Variants in KLHL42 observed in about 807,000 individuals in gnomAD.
KLHL42 encodes kelch-like protein 42.
KLHL42 carries 27 observed loss-of-function variants against 32.7 expected under a neutral mutation model. The ratio of observed to expected loss-of-function variants is 0.83; its 90% confidence interval spans 0.61 to 1.14. KLHL42 has a LOEUF of 1.14. KLHL42 is among the 50% of genes most tolerant of loss of function. KLHL42 has a pLI of 0.00. For synonymous variants in KLHL42, 267 were observed against 248.2 expected, an observed-to-expected ratio of 1.08 and a Z score of -0.71; for missense variants, 491 against 560.8, an observed-to-expected ratio of 0.88 and a Z score of 1.26.
rs2062225693 is a variant in KLHL42 at position 27,797,751 on chromosome 12, C to T, written c.1103C>T (p.Ser368Phe). Residue 368 changes from serine to phenylalanine, a missense_variant, in exon 3 of 3, where the codon TCC becomes TTC. By Grantham distance (155) the Ser-to-Phe change is radical (BLOSUM62 -2). This residue lies in a region of KLHL42 where 152 missense variants were observed against 125.9 expected (regional missense o/e 1.21). Transcript: ENST00000381271. Reference sequence around the variant, plus strand: ...AACATTTTGCAGTACTGCCCCTCTTCCGACATGTGGACGCTCTTTGAAACA... The same window carrying T: ...AACATTTTGCAGTACTGCCCCTCTTTCGACATGTGGACGCTCTTTGAAACA... Reference protein sequence around the residue: ...NMNILQYCPSSDMWTLFETCD... With the variant: ...NMNILQYCPSFDMWTLFETCD... 1 of 719,498 alleles carries T rather than the reference C, an allele frequency of 1.4e-6. No homozygotes were observed. The highest frequency in any genetic ancestry group is 1.7e-5 in the African/African-American group (1 of 57,624). The allele number at this position is 719,498 out of a possible 1,614,324, so 44.6% of individuals were successfully genotyped here.
chr12:27,788,568 G>A lies in KLHL42; in HGVS notation c.873-3140G>A, dbSNP rs544576483. ...GGGTTTAAAGAGCTTTTTAAGCCACGCACGGTGGCCTAGCTACTTGGGAGG... is the reference window on the plus strand; with the variant it reads ...GGGTTTAAAGAGCTTTTTAAGCCACACACGGTGGCCTAGCTACTTGGGAGG... On this transcript the variant is annotated intron_variant, in intron 1 of 2. Coordinates refer to ENST00000381271, the MANE Select transcript of KLHL42 (RefSeq NM_020782.2). 9.9e-5 allele frequency among the ~76,000 whole-genome samples: 15 copies of A among 152,256 alleles called. No individual in the cohort carries two copies. The South Asian group carries it at 2.5e-3, about 25-fold the overall frequency.
rs561772291 is a variant in KLHL42 at position 27,797,476 on chromosome 12, G to T, written c.1067-239G>T. ...AAAGTCAGAGCTGCGCTTTTTCCTG[G>T]TTTTATCCAGTCTGAGTCTCCCACG... On this transcript the variant is annotated intron_variant, in intron 2 of 2. Transcript: ENST00000381271. 260 of 564,876 alleles carry T rather than the reference G, an allele frequency of 4.6e-4. No homozygotes were observed. Among genetic ancestry groups the T allele is most frequent in the Non-Finnish European group, 7.3e-4 (227 of 311,704 alleles). 35.0% of individuals were successfully genotyped at this position (564,876 alleles called of 1,614,324 possible).
intron 1 of KLHL42, among the ~76,000 whole-genome samples, chr12:27,782,095 C>T (rs904857218): frequency 5.3e-5 from 8 of 152,136 alleles, no homozygotes; most frequent in African/African-American, 1.7e-4. Context: ...ATGAAAATAC[C>T]CTTTCTTCCC....
chr12:27,784,232 T>G (rs2062162028), intron 1 of KLHL42, among the ~76,000 whole-genome samples: 1 of 150,778 alleles, frequency 6.6e-6, no homozygotes. Flanking sequence ...CCTCCCAGGT[T>G]ACGCCATTCT....
At position 27,800,763 on chromosome 12, in the gene KLHL42, A is replaced by C. The variant is rs1357305850; in HGVS notation, c.*2597A>C. On this transcript the variant is annotated 3_prime_UTR_variant, in exon 3 of 3. Coordinates refer to ENST00000381271, the MANE Select transcript of KLHL42 (RefSeq NM_020782.2). ...CCTTCATCCCCCAGGACTGTCCTTTACTCTTTGATAGTATCCCTCTATTTT... is the reference window on the plus strand; with the variant it reads ...CCTTCATCCCCCAGGACTGTCCTTTCCTCTTTGATAGTATCCCTCTATTTT... 1 of 151,002 alleles carries C rather than the reference A, an allele frequency of 6.6e-6. No individual in the cohort carries two copies. The highest frequency in any genetic ancestry group is 1.5e-5 in the Non-Finnish European group (1 of 67,928). The allele number at this position is 151,002 out of a possible 1,614,324, so 9.4% of individuals were successfully genotyped here. A position where few individuals can be genotyped will look rare whatever the true frequency, so the allele number is the denominator to read the frequency against.
In KLHL42 at chr12:27,797,956, C is replaced by T. The variant is rs776346728; in HGVS notation, c.1308C>T (p.Ser436=). 4 of 781,036 alleles carry T rather than the reference C, an allele frequency of 5.1e-6. No individual in the cohort carries two copies. The highest frequency in any genetic ancestry group is 9.6e-6 in the Non-Finnish European group (4 of 418,134). The allele number at this position is 781,036 out of a possible 1,614,324, so 48.4% of individuals were successfully genotyped here. Reference sequence around the variant, plus strand: ...GGCTCTACCTCAAGGAGAACACGTCCAAATCGGGTCTTAACTTGACTTGTG... The same window carrying T: ...GGCTCTACCTCAAGGAGAACACGTCTAAATCGGGTCTTAACTTGACTTGTG... ...RQWLYLKENT[S]KSGLNLTCAL... Residue 436 remains serine (S), a synonymous_variant, in exon 3 of 3, where the codon TCC becomes TCT. Coordinates refer to ENST00000381271, the MANE Select transcript of KLHL42 (RefSeq NM_020782.2).
intron 1 of KLHL42, among the ~76,000 whole-genome samples, chr12:27,784,144 T>TTG (rs2062161516): frequency 6.6e-6 from 1 of 150,874 alleles, no homozygotes; most frequent in African/African-American, 2.4e-5. Context: ...TTTTTGTTTT[T>TTG]TTTTTTTGGG....
chr12:27,789,234 T>A (rs974752028), intron 1 of KLHL42, among the ~76,000 whole-genome samples: 1 of 152,234 alleles, frequency 6.6e-6, no homozygotes, highest in Non-Finnish European at 1.5e-5. Flanking sequence ...GTGCCCTTCT[T>A]ATCCCTACTT....
At position 27,800,124 on chromosome 12, in the gene KLHL42, GATGAGTCAGTTGAA is replaced by G; in HGVS notation, c.*1959_*1972del. ...AAGGCTTTGTCCTATACATTTAGAA[GATGAGTCAGTTGAA>G]TTAGTACTGGACAAACAGTTGGAGA... is the stretch of plus-strand genomic sequence containing the variant. On this transcript the variant is annotated 3_prime_UTR_variant, in exon 3 of 3. Transcript: ENST00000381271. 5 of 984,972 alleles carry G rather than the reference GATGAGTCAGTTGAA, an allele frequency of 5.1e-6. No homozygotes were observed. The highest frequency in any genetic ancestry group is 6.0e-6 in the Non-Finnish European group (5 of 829,526). 61.0% of individuals were successfully genotyped at this position (984,972 alleles called of 1,614,324 possible). A position where few individuals can be genotyped will look rare whatever the true frequency, so the allele number is the denominator to read the frequency against.
chr12:27,785,079 G>A (rs180853770), intron 1 of KLHL42, among the ~76,000 whole-genome samples: 8 of 152,218 alleles, frequency 5.3e-5, no homozygotes, highest in Admixed American at 5.2e-4. Context: ...AGAGGGGTGG[G>A]TGGGAGTTAT....
chr12:27,791,983 C>A (rs931664699), intron 2 of KLHL42, 82 bp downstream of exon 2: 3 of 1,149,130 alleles, frequency 2.6e-6, no homozygotes, highest in South Asian at 1.3e-5. Flanking sequence ...TCAGAGGAAG[C>A]CCCGACATAT....
In KLHL42 at chr12:27,790,669, A is replaced by G. The variant is rs75438404; in HGVS notation, c.873-1039A>G. Among the ~76,000 whole-genome samples the G allele has an allele frequency of 4.3e-3, 650 of 152,334 alleles. 9 individuals are homozygous for G. Among genetic ancestry groups the G allele is most frequent in the African/African-American group, 0.015 (627 of 41,574 alleles). On this transcript the variant is annotated intron_variant, in intron 1 of 2. Coordinates refer to ENST00000381271, the MANE Select transcript of KLHL42 (RefSeq NM_020782.2). Reference sequence around the variant, plus strand: ...CCATTGTCCATCTCTTTTTCAAGTTATTATTTTTATGAAAGATGAGCATTT... The same window carrying G: ...CCATTGTCCATCTCTTTTTCAAGTTGTTATTTTTATGAAAGATGAGCATTT...
intron 2 of KLHL42, among the ~76,000 whole-genome samples, chr12:27,797,502 G>C (rs1279875785): frequency 1.3e-5 from 2 of 152,194 alleles, no homozygotes; most frequent in African/African-American, 2.4e-5. Flanking sequence ...GTCTCCCACG[G>C]AAGAGACGTT....
At chr12:27,792,627 AG>A (rs2062202313) in intron 2 of KLHL42, among the ~76,000 whole-genome samples, 1 of 152,102 alleles carries the variant, frequency 6.6e-6, no homozygotes, top group South Asian at 2.1e-4. Context: ...GGGTTCAAGC[AG>A]TCCTCCTGCC....
chr12:27,801,161 T>C lies in KLHL42; in HGVS notation c.*2995T>C, dbSNP rs1239680221. 6.6e-6 allele frequency: 1 copy of C among 152,448 alleles called. No homozygotes were observed. The highest frequency in any genetic ancestry group is 1.5e-5 in the Non-Finnish European group (1 of 68,012). 9.4% of individuals were successfully genotyped at this position (152,448 alleles called of 1,614,324 possible). ...GGTACCAGGAAGAAACAAACAGAAG[T>C]CTTAAGATTAGAATGAGAACCAAAG... On this transcript the variant is annotated 3_prime_UTR_variant, in exon 3 of 3. Transcript: ENST00000381271.
chr12:27,796,351 C>G (rs1382677825), intron 2 of KLHL42, among the ~76,000 whole-genome samples: 1 of 152,226 alleles, frequency 6.6e-6, no homozygotes, highest in South Asian at 2.1e-4. Flanking sequence ...TACCAAGCGC[C>G]TGCAGCCGTC....
In KLHL42 at chr12:27,802,579, A is replaced by T. The variant is rs1377776664; in HGVS notation, c.*4413A>T. 6.6e-6 allele frequency: 1 copy of T among 152,610 alleles called. No individual in the cohort carries two copies. The highest frequency in any genetic ancestry group is 1.5e-5 in the Non-Finnish European group (1 of 68,040). 9.5% of individuals were successfully genotyped at this position (152,610 alleles called of 1,614,324 possible). A position where few individuals can be genotyped will look rare whatever the true frequency, so the allele number is the denominator to read the frequency against. On this transcript the variant is annotated 3_prime_UTR_variant, in exon 3 of 3. Coordinates refer to ENST00000381271, the MANE Select transcript of KLHL42 (RefSeq NM_020782.2). ...GCTGACGTCTGTACTTGACATAACC[A>T]TTTTTATTCATACAGGAAGCATTAA...
intron 1 of KLHL42, among the ~76,000 whole-genome samples, chr12:27,781,861 T>A (rs567301684): frequency 2.2e-4 from 34 of 152,264 alleles, no homozygotes; most frequent in Admixed American, 2.2e-3. Flanking sequence ...CCTCCCATCC[T>A]GCAAATCTCT....
intron 2 of KLHL42, 80 bp downstream of exon 2, chr12:27,791,981 A>C (rs1226791393): frequency 8.5e-7 from 1 of 1,169,938 alleles, no homozygotes; most frequent in East Asian, 2.3e-5. Context: ...TGTCAGAGGA[A>C]GCCCCGACAT....
Sources: gnomAD v4.1 joint callset for allele counts (sites outside exome capture counted in the v4.1 genomes callset) on GRCh38, gnomAD v4.1.1 for gene constraint, gnomAD v4.1.1 regional missense constraint, MANE v1.5 for transcripts, NCBI Gene and HGNC (gene_info 2026-07-23, HGNC 2026-07-21) for gene names.